The following WNK2 variants were observed in gnomAD, a reference collection of about 807,000 sequenced individuals.
WNK2 encodes serine/threonine-protein kinase WNK2.
A neutral mutation model predicts 192.1 loss-of-function variants in WNK2; 67 were observed. That is an observed-to-expected ratio of 0.35 (90% confidence interval 0.29 to 0.43). The LOEUF (loss-of-function observed/expected upper bound fraction) is 0.43. Among genes scored for constraint, WNK2 ranks in the 20% least tolerant of loss-of-function variants. WNK2 has a pLI of 1.00. For missense variants in WNK2, 2,698 were observed against 3,089.7 expected, an observed-to-expected ratio of 0.87 and a Z score of 3.01; for synonymous variants, 1,439 against 1,393.9, an observed-to-expected ratio of 1.03 and a Z score of -0.72.
At chr9:93,231,692 G>A (rs117755265) in intron 4 of WNK2, among the ~76,000 whole-genome samples, 2 of 152,262 alleles carry the variant, frequency 1.3e-5, no homozygotes, top group African/African-American at 2.4e-5. Flanking sequence ...GGAGCAGGGC[G>A]CCAAGGAATT....
chr9:93,196,814 G>T (rs1359087666), intron 2 of WNK2, among the ~76,000 whole-genome samples: 1 of 152,162 alleles, frequency 6.6e-6, no homozygotes, highest in African/African-American at 2.4e-5. Context: ...TGTGGGTGGA[G>T]CGTGCCTGCT....
Position 93,247,405 on chromosome 9 carries a change from G to A in WNK2, c.1543-138G>A, listed in dbSNP as rs1301087229. On this transcript the variant is annotated intron_variant, in intron 7 of 29. Transcript: ENST00000427277. This position sits in a 1 kb window ranked among gnomAD's most constrained non-coding sequence, Gnocchi z 5.2. ...ATGCCATCTCTGAGCTGTCCCCGCGGATTTTACATTCAGTGGCAGTGGGAT... is the reference window on the plus strand; with the variant it reads ...ATGCCATCTCTGAGCTGTCCCCGCGAATTTTACATTCAGTGGCAGTGGGAT... The A allele has an allele frequency of 6.5e-6, 7 of 1,073,720 alleles. No homozygotes were observed. The highest frequency in any genetic ancestry group is 9.5e-6 in the Non-Finnish European group (7 of 735,270). The allele number at this position is 1,073,720 out of a possible 1,614,324, so 66.5% of individuals were successfully genotyped here.
At chr9:93,199,707 G>A (rs1387032310) in intron 2 of WNK2, among the ~76,000 whole-genome samples, 1 of 151,952 alleles carries the variant, frequency 6.6e-6, no homozygotes, top group East Asian at 1.9e-4. Context: ...GACCATCCTG[G>A]CTAACTCGGT....
rs761808379 is a variant in WNK2 at position 93,300,072 on chromosome 9, C to T, written c.6137C>T (p.Thr2046Met). 4 of 1,613,374 alleles carry T rather than the reference C, an allele frequency of 2.5e-6. No homozygotes were observed. In the African/African-American group the frequency reaches 4.0e-5, roughly 16 times the overall value. ...GCAGGCTGGACGGTTTACCACCCAA[C>T]GTCTGAGAGAGTGACCTATAAGTCT... The part of the protein sequence containing the change: ...RGQGWTVYHP[T>M]SERVTYKSSS... Residue 2046 changes from threonine to methionine, a missense_variant, in exon 26 of 30, where the codon ACG becomes ATG. This residue lies in a region of WNK2 where 29 missense variants were observed against 55.6 expected (regional missense o/e 0.52). Coordinates refer to ENST00000427277, the MANE Select transcript of WNK2 (RefSeq NM_006648.4).
intron 9 of WNK2, 51 bp from the exon 10 acceptor site, chr9:93,256,248 G>T (rs1843264817): frequency 2.8e-6 from 4 of 1,439,260 alleles, no homozygotes; most frequent in Non-Finnish European, 3.6e-6. Flanking sequence ...CCCAGGAGGG[G>T]GCCTGGTGGC....
In WNK2 at chr9:93,292,898, C is replaced by T. The variant is rs1250751186; in HGVS notation, c.5433C>T (p.Asp1811=). 12 of 1,518,286 alleles carry T rather than the reference C, an allele frequency of 7.9e-6. No individual in the cohort carries two copies. The highest frequency in any genetic ancestry group is 3.8e-5 in the South Asian group (3 of 78,630). The allele number at this position is 1,518,286 out of a possible 1,614,324, so 94.1% of individuals were successfully genotyped here. The part of the protein sequence containing the change: ...VGEPVSSDSG[D]EGPRARPPVQ... ...AGCCCGTGTCCAGCGACTCTGGGGA[C>T]GAGGGCCCTCGGGCGAGACCCCCGG... Residue 1811 remains aspartate (D), a synonymous_variant, in exon 23 of 30, where the codon GAC becomes GAT. Coordinates refer to ENST00000427277, the MANE Select transcript of WNK2 (RefSeq NM_006648.4).
At chr9:93,311,921 C>G (rs370686908) in intron 28 of WNK2, among the ~76,000 whole-genome samples, 1 of 152,106 alleles carries the variant, frequency 6.6e-6, no homozygotes, top group Non-Finnish European at 1.5e-5. Context: ...TGCGCCACCG[C>G]GTTCAGCCAT....
chr9:93,204,380 G>A (rs1833004139), intron 2 of WNK2, among the ~76,000 whole-genome samples: 1 of 152,224 alleles, frequency 6.6e-6, no homozygotes, highest in South Asian at 2.1e-4. Flanking sequence ...GCTTCCAAGA[G>A]TCAGGGAGGC....
intron 2 of WNK2, among the ~76,000 whole-genome samples, chr9:93,204,492 T>C (rs2131340322): frequency 6.6e-6 from 1 of 152,262 alleles, no homozygotes; most frequent in South Asian, 2.1e-4. Flanking sequence ...GGGTTCTAAA[T>C]GTGCTGGGAA....
At chr9:93,272,240 A>G (rs1197476321) in intron 19 of WNK2, among the ~76,000 whole-genome samples, 1 of 152,236 alleles carries the variant, frequency 6.6e-6, no homozygotes, top group Admixed American at 6.5e-5. Context: ...CGAGTTCTTT[A>G]AAACATTTCT....
chr9:93,256,534 G>C lies in WNK2; in HGVS notation c.2190+80G>C, dbSNP rs1052481231. On this transcript the variant is annotated intron_variant, in intron 10 of 29. Transcript: ENST00000427277. The stretch of plus-strand genomic sequence containing the variant: ...CTGGCCCCTGGGCCCAGGTCTATGA[G>C]CACCTCCCACAGACCCTTCGCTCAA... 2.3e-5 allele frequency: 32 copies of C among 1,409,774 alleles called. No individual in the cohort carries two copies. The East Asian group carries it at 7.8e-4, about 34-fold the overall frequency. The allele number at this position is 1,409,774 out of a possible 1,614,324, so 87.3% of individuals were successfully genotyped here.
At chr9:93,193,467 C>T (rs1830698482) in intron 2 of WNK2, among the ~76,000 whole-genome samples, 1 of 152,234 alleles carries the variant, frequency 6.6e-6, no homozygotes, top group Non-Finnish European at 1.5e-5. Context: ...CAAGCCGAGC[C>T]AGCAGGTGGA....
chr9:93,262,732 A>C lies in WNK2; in HGVS notation c.3410+13A>C. 1 of 1,611,752 alleles carries C rather than the reference A, an allele frequency of 6.2e-7. No homozygotes were observed. Among genetic ancestry groups the C allele is most frequent in the South Asian group, 1.1e-5 (1 of 91,080 alleles). Reference sequence around the variant, plus strand: ...AGAGCTGTGAGAGGTAGTGTGGCCCAGCCTCGACCTCGCAGGACGGGTGTA... The same window carrying C: ...AGAGCTGTGAGAGGTAGTGTGGCCCCGCCTCGACCTCGCAGGACGGGTGTA... On this transcript the variant is annotated intron_variant, in intron 14 of 29. Transcript: ENST00000427277.
At chr9:93,273,802 T>G (rs1362962275) in intron 19 of WNK2, among the ~76,000 whole-genome samples, 4 of 152,252 alleles carry the variant, frequency 2.6e-5, no homozygotes, top group African/African-American at 9.6e-5. Context: ...ATGTCAAGTA[T>G]GTTCTCCGAT....
At chr9:93,286,025 C>G (rs189498071) in intron 19 of WNK2, among the ~76,000 whole-genome samples, 1 of 152,276 alleles carries the variant, frequency 6.6e-6, no homozygotes, top group African/African-American at 2.4e-5. Context: ...TAACAAGTCG[C>G]TTGTGAATCT....
At chr9:93,246,732 C>T (rs1360447503) in intron 7 of WNK2, among the ~76,000 whole-genome samples, 1 of 152,242 alleles carries the variant, frequency 6.6e-6, no homozygotes, top group African/African-American at 2.4e-5. Context: ...CGGGCACCTC[C>T]GCCCTACTGC....
chr9:93,238,199 A>G (rs564122084), intron 5 of WNK2, 34 bp from the exon 6 acceptor site: 1 of 1,608,418 alleles, frequency 6.2e-7, no homozygotes, highest in South Asian at 1.1e-5. Context: ...CCGGCAGCCG[A>G]TCGGGTCAGG....
chr9:93,200,470 C>A (rs1832133675), intron 2 of WNK2, among the ~76,000 whole-genome samples: 1 of 152,226 alleles, frequency 6.6e-6, no homozygotes, highest in Admixed American at 6.5e-5. Context: ...GCTGGCTGGA[C>A]AGTGATGGCC....
At chr9:93,266,339 G>T (rs926438273) in intron 16 of WNK2, among the ~76,000 whole-genome samples, 1 of 152,238 alleles carries the variant, frequency 6.6e-6, no homozygotes, top group African/African-American at 2.4e-5. Context: ...AGGTGGAACT[G>T]CAGAAGTTTC....
Sources: gnomAD v4.1 joint callset for allele counts (sites outside exome capture counted in the v4.1 genomes callset) on GRCh38, gnomAD v4.1.1 for gene constraint, gnomAD v4.1.1 regional missense constraint, Gnocchi (gnomAD v3.1) non-coding constraint, MANE v1.5 for transcripts, NCBI Gene and HGNC (gene_info 2026-07-23, HGNC 2026-07-21) for gene names.